The following CHRM5 variants were observed in gnomAD, a reference collection of about 807,000 sequenced individuals.
The protein encoded by CHRM5 is cholinergic receptor muscarinic 5.
CHRM5 carries 18 observed loss-of-function variants against 39.0 expected under a neutral mutation model. The observed-to-expected ratio is 0.46, with a 90% CI of 0.32 to 0.68. The LOEUF (loss-of-function observed/expected upper bound fraction) is 0.68, where lower values mean the gene tolerates loss of function less well. CHRM5 is among the 30% of genes least tolerant of loss of function. The pLI is 0.04. For missense variants in CHRM5, 515 were observed against 651.1 expected, an observed-to-expected ratio of 0.79 and a Z score of 2.28; for synonymous variants, 241 against 246.3, an observed-to-expected ratio of 0.98 and a Z score of 0.20.
At chr15:34,051,484 C>T (rs892044147) in intron 2 of CHRM5, among the ~76,000 whole-genome samples, 3 of 152,084 alleles carry the variant, frequency 2.0e-5, no homozygotes, top group African/African-American at 7.2e-5. Flanking sequence ...CAAGAAATAA[C>T]TAAGATCAGA....
At chr15:34,055,307 G>A (rs567116515) in intron 2 of CHRM5, among the ~76,000 whole-genome samples, 2 of 151,940 alleles carry the variant, frequency 1.3e-5, no homozygotes, top group East Asian at 3.9e-4. Flanking sequence ...AGACCAGCCT[G>A]GCCAACATGA....
intron 1 of CHRM5, among the ~76,000 whole-genome samples, chr15:33,981,374 C>T (rs1312426682): frequency 6.6e-6 from 1 of 152,108 alleles, no homozygotes; most frequent in Non-Finnish European, 1.5e-5. Flanking sequence ...TTAAATGAAA[C>T]AAGTAGCAAG....
At chr15:33,987,924 C>T (rs639860) in intron 1 of CHRM5, among the ~76,000 whole-genome samples, 142,422 of 152,234 alleles carry the variant, frequency 0.94, 67,221 homozygotes, top group Non-Finnish European at 1. Flanking sequence ...GTTATGGCCA[C>T]ACAGACCCAC....
At chr15:33,999,731 T>C (rs1897066684) in intron 1 of CHRM5, among the ~76,000 whole-genome samples, 1 of 152,208 alleles carries the variant, frequency 6.6e-6, no homozygotes, top group Non-Finnish European at 1.5e-5. Context: ...TTATTATTAG[T>C]GGCTTCCTAA....
At chr15:34,055,319 TA>T (rs772965483) in intron 2 of CHRM5, among the ~76,000 whole-genome samples, 1 of 150,762 alleles carries the variant, frequency 6.6e-6, no homozygotes, top group Non-Finnish European at 1.5e-5. Flanking sequence ...CCAACATGAT[TA>T]AACCCCATCT....
chr15:34,015,895 C>T (rs1897881972), intron 1 of CHRM5, among the ~76,000 whole-genome samples: 1 of 152,164 alleles, frequency 6.6e-6, no homozygotes, highest in African/African-American at 2.4e-5. Context: ...CAATTGGAGA[C>T]AGTACATTCC....
In CHRM5 at chr15:34,064,578, T is replaced by C; in HGVS notation, c.*262T>C. On this transcript the variant is annotated 3_prime_UTR_variant, in exon 3 of 3. Transcript: ENST00000383263. ...CCAATGAAGTAAAGGGATAGGCTCA[T>C]GGCCCTTCACAAGAGGAAGCACACT... 2.1e-6 allele frequency: 1 copy of C among 483,378 alleles called. No individual in the cohort carries two copies. Among genetic ancestry groups the C allele is most frequent in the Non-Finnish European group, 3.8e-6 (1 of 264,620 alleles). 29.9% of individuals were successfully genotyped at this position (483,378 alleles called of 1,614,324 possible).
intron 2 of CHRM5, among the ~76,000 whole-genome samples, chr15:34,052,415 C>T (rs900719910): frequency 6.6e-6 from 1 of 152,206 alleles, no homozygotes; most frequent in African/African-American, 2.4e-5. Flanking sequence ...AAGCTGGAAG[C>T]ATTCCCCATG....
intron 2 of CHRM5, among the ~76,000 whole-genome samples, chr15:34,058,800 C>A (rs1299706701): frequency 6.6e-6 from 1 of 152,142 alleles, no homozygotes; most frequent in African/African-American, 2.4e-5. Flanking sequence ...CAACTGAGAT[C>A]TTTACAATTG....
At chr15:33,997,482 G>A (rs1469918776) in intron 1 of CHRM5, among the ~76,000 whole-genome samples, 2 of 151,994 alleles carry the variant, frequency 1.3e-5, no homozygotes. Flanking sequence ...TCACAGCCAG[G>A]CACACCCGTA....
intron 1 of CHRM5, among the ~76,000 whole-genome samples, chr15:34,038,171 A>G (rs1421287092): frequency 6.6e-6 from 1 of 152,206 alleles, no homozygotes; most frequent in Non-Finnish European, 1.5e-5. Context: ...TGATTTCTAC[A>G]CATACAGGCA....
intron 1 of CHRM5, chr15:34,038,790 G>A: frequency 8.4e-7 from 1 of 1,184,600 alleles, no homozygotes; most frequent in Non-Finnish European, 1.0e-6. Context: ...CGGCGCGCTG[G>A]CCCCTGCGCC....
Position 34,064,109 on chromosome 15 carries a change from T to C in CHRM5, c.1392T>C (p.Val464=). 6.2e-7 allele frequency: 1 copy of C among 1,614,190 alleles called. No homozygotes were observed. Among genetic ancestry groups the C allele is most frequent in the Non-Finnish European group, 8.5e-7 (1 of 1,180,030 alleles). The change falls in exon 3 of 3, where the codon GTT becomes GTC. Residue 464 remains valine, a synonymous_variant. Transcript: ENST00000383263. Reference sequence around the variant, plus strand: ...CCCCGTATAACATCATGGTCCTGGTTTCTACCTTCTGTGACAAGTGTGTCC... The same window carrying C: ...CCCCGTATAACATCATGGTCCTGGTCTCTACCTTCTGTGACAAGTGTGTCC... ...TWTPYNIMVL[V]STFCDKCVPV...
chr15:34,023,010 AC>A (rs1240581269), intron 1 of CHRM5, among the ~76,000 whole-genome samples: 2 of 152,038 alleles, frequency 1.3e-5, no homozygotes, highest in African/African-American at 2.4e-5. Flanking sequence ...ACATGGTGAA[AC>A]CCCCATCTCT....
At chr15:33,980,337 A>G (rs1020748649) in intron 1 of CHRM5, among the ~76,000 whole-genome samples, 1 of 152,182 alleles carries the variant, frequency 6.6e-6, no homozygotes, top group Non-Finnish European at 1.5e-5. Flanking sequence ...GTAATGTCTT[A>G]ACTTGACAAG....
chr15:33,975,577 T>A (rs1895848133), intron 1 of CHRM5, among the ~76,000 whole-genome samples: 1 of 152,182 alleles, frequency 6.6e-6, no homozygotes. Flanking sequence ...AAACAAAAAG[T>A]GAGAATTTGT....
intron 1 of CHRM5, among the ~76,000 whole-genome samples, chr15:34,045,002 C>T (rs1009878679): frequency 1.8e-4 from 28 of 152,076 alleles, no homozygotes; most frequent in African/African-American, 4.1e-4. Flanking sequence ...GAGCCGAGAT[C>T]GTGCCACTGC....
chr15:34,052,325 T>C (rs945724537), intron 2 of CHRM5, among the ~76,000 whole-genome samples: 1 of 151,976 alleles, frequency 6.6e-6, no homozygotes, highest in African/African-American at 2.4e-5. Flanking sequence ...CTGAATAAGC[T>C]AGGTATTTAA....
In CHRM5 at chr15:34,003,165, A is replaced by ATCATTCAT. The variant is rs764735534; in HGVS notation, c.-408+34021_-408+34022insATTCATTC. On this transcript the variant is annotated intron_variant, in intron 1 of 2. Coordinates refer to ENST00000383263, the MANE Select transcript of CHRM5 (RefSeq NM_012125.4). The stretch of plus-strand genomic sequence containing the variant: ...TTCTTTTAGAATAATTTCCCTGTTC[A>ATCATTCAT]TCATTCTCTTCTCCATAGGTCTCTG... 3 of 1,613,696 alleles carry ATCATTCAT rather than the reference A, an allele frequency of 1.9e-6. No individual in the cohort carries two copies. The Admixed American group carries it at 5.0e-5, about 27-fold the overall frequency.
Sources: allele counts gnomAD v4.1 joint callset (sites outside exome capture counted in the v4.1 genomes callset), GRCh38; gene constraint gnomAD v4.1.1; transcripts MANE v1.5; gene names NCBI Gene and HGNC (gene_info 2026-07-23, HGNC 2026-07-21).